ANXA5: variants seen among roughly 807,000 people sequenced by gnomAD.
ANXA5 encodes the protein annexin A5.
Under a neutral mutation model 48.1 loss-of-function variants are expected in ANXA5, and 40 were observed. That is an observed-to-expected ratio of 0.83 (90% CI 0.65 to 1.08). The LOEUF (loss-of-function observed/expected upper bound fraction) is 1.08, where lower values mean the gene tolerates loss of function less well. Ranked by LOEUF, ANXA5 falls within the 50% of genes least tolerant of loss-of-function variation. The pLI is 0.00. For missense variants in ANXA5, 357 were observed against 376.8 expected (o/e 0.95, Z 0.44); for synonymous variants, 113 against 129.1 (o/e 0.88, Z 0.85).
chr4:121,673,637 T>A (rs1009691114), intron 8 of ANXA5, among the ~76,000 whole-genome samples: 1 of 152,180 alleles, frequency 6.6e-6, no homozygotes, highest in African/African-American at 2.4e-5. Flanking sequence ...ATGAGACTCA[T>A]GTATCTTTAT....
rs1394386291 is a variant in ANXA5 at position 121,678,060 on chromosome 4, T to C, written c.475-110A>G. 1.2e-5 allele frequency: 10 copies of C among 861,368 alleles called. No homozygotes were observed. In the East Asian group the frequency reaches 1.9e-4, roughly 17 times the overall value. 53.4% of individuals were successfully genotyped at this position (861,368 alleles called of 1,614,324 possible). On this transcript the variant is annotated intron_variant, in intron 7 of 12. Transcript: ENST00000296511. ...TAACACTCTTTCTCTAGGAATAATA[T>C]GCTTTTATTAAGATCAATCCTGCAC...
intron 6 of ANXA5, among the ~76,000 whole-genome samples, chr4:121,680,730 T>C (rs975223194): frequency 9.2e-5 from 14 of 152,174 alleles, no homozygotes; most frequent in Non-Finnish European, 1.8e-4. Flanking sequence ...CAGAAAGAGA[T>C]CTTTGAATAG....
intron 2 of ANXA5, among the ~76,000 whole-genome samples, chr4:121,695,771 G>T (rs982137956): frequency 1.3e-5 from 2 of 152,028 alleles, no homozygotes; most frequent in African/African-American, 4.8e-5. Flanking sequence ...GCATGGTGGG[G>T]CGCCTGTAAT....
intron 3 of ANXA5, among the ~76,000 whole-genome samples, chr4:121,685,000 T>C (rs903063034): frequency 3.4e-5 from 5 of 145,266 alleles, no homozygotes; most frequent in Admixed American, 1.4e-4. Context: ...GTCAACATAG[T>C]GAGACCCCCA....
intron 8 of ANXA5, among the ~76,000 whole-genome samples, chr4:121,676,603 G>A (rs1724701698): frequency 1.3e-5 from 2 of 151,698 alleles, no homozygotes; most frequent in South Asian, 2.1e-4. Flanking sequence ...TGACAGCTCA[G>A]GGGGCCCAGG....
chr4:121,672,606 T>C lies in ANXA5; in HGVS notation c.552A>G (p.Glu184=), dbSNP rs1201683433. 3 of 1,613,560 alleles carry C rather than the reference T, an allele frequency of 1.9e-6. No homozygotes were observed. The highest frequency in any genetic ancestry group is 2.5e-6 in the Non-Finnish European group (3 of 1,179,740). The change falls in exon 9 of 13, where the codon GAA becomes GAG. Residue 184 remains glutamate, a synonymous_variant. Transcript: ENST00000296511. ...QDAQALFQAG[E]LKWGTDEEKF... is the part of the protein sequence containing the mutation. ...TTTCTTCATCTGTCCCCCATTTAAG[T>C]TCTCCAGCCTGAAATAAAGCCTGCA...
At chr4:121,687,495 A>G (rs1449326408) in intron 2 of ANXA5, among the ~76,000 whole-genome samples, 1 of 152,164 alleles carries the variant, frequency 6.6e-6, no homozygotes, top group East Asian at 1.9e-4. Context: ...AGCTAAAAGG[A>G]CTGTAAAGCT....
At chr4:121,674,564 G>A (rs1310412197) in intron 8 of ANXA5, among the ~76,000 whole-genome samples, 2 of 152,136 alleles carry the variant, frequency 1.3e-5, no homozygotes, top group Non-Finnish European at 2.9e-5. Context: ...TCTCTAGTAG[G>A]TACAGGAGTT....
chr4:121,669,522 G>C, intron 12 of ANXA5, 80 bp downstream of exon 12: 2 of 1,521,984 alleles, frequency 1.3e-6, no homozygotes, highest in East Asian at 2.3e-5. Flanking sequence ...CAAGAATCAG[G>C]TTCTCTTATC....
At chr4:121,689,007 T>A (rs1041844468) in intron 2 of ANXA5, among the ~76,000 whole-genome samples, 9 of 152,196 alleles carry the variant, frequency 5.9e-5, no homozygotes, top group African/African-American at 2.2e-4. Flanking sequence ...CACAGATACA[T>A]AAAGACCAAT....
chr4:121,683,095 G>C (rs1021237282), intron 5 of ANXA5, among the ~76,000 whole-genome samples: 13 of 151,848 alleles, frequency 8.6e-5, no homozygotes, highest in African/African-American at 3.1e-4. Context: ...TCAGAAGACA[G>C]GCATGAAAAT....
intron 10 of ANXA5, among the ~76,000 whole-genome samples, chr4:121,670,329 AT>A (rs2110478662): frequency 6.6e-6 from 1 of 152,338 alleles, no homozygotes; most frequent in African/African-American, 2.4e-5. Context: ...TGTTATCATA[AT>A]ACCACAACAT....
At chr4:121,679,441 C>G (rs1391950621) in intron 6 of ANXA5, among the ~76,000 whole-genome samples, 5 of 152,152 alleles carry the variant, frequency 3.3e-5, no homozygotes, top group Admixed American at 1.3e-4. Context: ...TTCAAATCTC[C>G]TTCCTCCCTC....
intron 8 of ANXA5, among the ~76,000 whole-genome samples, chr4:121,676,683 G>T (rs534879398): frequency 1.4e-5 from 2 of 147,348 alleles, no homozygotes; most frequent in Admixed American, 1.4e-4. Flanking sequence ...CTGGGGGCGG[G>T]GGGGGGTATG....
At position 121,668,544 on chromosome 4, in the gene ANXA5, TC is replaced by T; in HGVS notation, c.904-18del. The T allele has an allele frequency of 1.6e-5, 26 of 1,607,098 alleles. No homozygotes were observed. The highest frequency in any genetic ancestry group is 2.1e-5 in the Non-Finnish European group (25 of 1,174,076). ...TGTATCTCCCTGAAACCAAATGTAT[TC>T]CATTAACCTCCATGACTCACAGAAG... is the stretch of plus-strand genomic sequence containing the variant. On this transcript the variant is annotated intron_variant, in intron 12 of 12. Coordinates refer to ENST00000296511, the MANE Select transcript of ANXA5 (RefSeq NM_001154.4).
chr4:121,680,273 T>TTG (rs1048653250), intron 6 of ANXA5, among the ~76,000 whole-genome samples: 19 of 151,454 alleles, frequency 1.3e-4, no homozygotes, highest in South Asian at 4.2e-4. Context: ...GTGTCTGTGT[T>TTG]TGTGTGTGTG....
intron 9 of ANXA5, among the ~76,000 whole-genome samples, chr4:121,672,194 T>A (rs893670373): frequency 1.6e-4 from 24 of 152,186 alleles, no homozygotes; most frequent in African/African-American, 5.8e-4. Flanking sequence ...CAAGTGCTGA[T>A]GACTATCCAG....
rs116112914 is a variant in ANXA5 at position 121,691,999 on chromosome 4, C to T, written c.9+4582G>A. Among the ~76,000 whole-genome samples the T allele has an allele frequency of 5.4e-3, 825 of 152,242 alleles. 8 individuals are homozygous for T. The highest frequency in any genetic ancestry group is 0.019 in the African/African-American group (789 of 41,546). On this transcript the variant is annotated intron_variant, in intron 2 of 12. Coordinates refer to ENST00000296511, the MANE Select transcript of ANXA5 (RefSeq NM_001154.4). ...CAGAGACATGCTCTCAACCCCCAAT[C>T]CTAACCCTTGCTCTAATCCCAACTC... is the stretch of plus-strand genomic sequence containing the variant.
chr4:121,683,605 G>A, intron 4 of ANXA5, 128 bp from the exon 5 acceptor site: 3 of 556,014 alleles, frequency 5.4e-6, no homozygotes, highest in Non-Finnish European at 6.4e-6. Flanking sequence ...AGGCCCATGA[G>A]CTAAACAAAA....
Sources: allele counts gnomAD v4.1 joint callset (sites outside exome capture counted in the v4.1 genomes callset), GRCh38; gene constraint gnomAD v4.1.1; transcripts MANE v1.5; gene names NCBI Gene and HGNC (gene_info 2026-07-23, HGNC 2026-07-21).